The following NRXN1 variants were observed in gnomAD, a reference collection of about 807,000 sequenced individuals.
NRXN1 encodes the protein neurexin 1, also known as neurexin-1.
A neutral mutation model predicts 150.9 loss-of-function variants in NRXN1; 39 were observed. The observed-to-expected ratio is 0.26, with a 90% CI of 0.20 to 0.34. NRXN1 has a LOEUF of 0.34. NRXN1 is among the 10% of genes least tolerant of loss of function. The pLI is 1.00. For synonymous variants in NRXN1, 924 were observed against 757.0 expected (o/e 1.22, Z -3.62); for missense variants, 1,815 against 1,949.9 (o/e 0.93, Z 1.30).
intron 21 of NRXN1, among the ~76,000 whole-genome samples, chr2:49,954,644 C>G (rs1262765580): frequency 6.6e-6 from 1 of 152,094 alleles, no homozygotes; most frequent in South Asian, 2.1e-4. Flanking sequence ...ATGCTCCTTA[C>G]AATAGGAGTG....
chr2:50,788,529 T>C (rs1048507012), intron 5 of NRXN1, among the ~76,000 whole-genome samples: 2 of 152,030 alleles, frequency 1.3e-5, no homozygotes, highest in Admixed American at 6.6e-5. Context: ...TGATAACTTC[T>C]GTAATATCAT....
chr2:50,000,895 C>T (rs938143935), intron 21 of NRXN1, among the ~76,000 whole-genome samples: 1 of 152,128 alleles, frequency 6.6e-6, no homozygotes, highest in African/African-American at 2.4e-5. Context: ...GAAGTTCTTA[C>T]AGTATTTGCT....
At chr2:50,945,937 G>GTATTATTAT (rs538118636) in intron 2 of NRXN1, among the ~76,000 whole-genome samples, 42 of 145,876 alleles carry the variant, frequency 2.9e-4, no homozygotes, top group African/African-American at 5.3e-4. Flanking sequence ...TACTTGTAAA[G>GTATTATTAT]TATTATTATT....
chr2:50,759,045 G>A (rs563917388), intron 5 of NRXN1, among the ~76,000 whole-genome samples: 2 of 152,004 alleles, frequency 1.3e-5, no homozygotes, highest in Admixed American at 6.6e-5. Context: ...ATAATAAAAA[G>A]CTATAATTGA....
intron 5 of NRXN1, among the ~76,000 whole-genome samples, chr2:50,671,879 C>A (rs1688903456): frequency 6.6e-6 from 1 of 151,776 alleles, no homozygotes; most frequent in African/African-American, 2.4e-5. Context: ...ATGATAGGGA[C>A]AAACCCAAAA....
chr2:50,527,495 A>G (rs992268929), intron 12 of NRXN1, among the ~76,000 whole-genome samples: 10 of 152,144 alleles, frequency 6.6e-5, no homozygotes, highest in Admixed American at 3.3e-4. Flanking sequence ...TATTAACTTA[A>G]TTTTTAATAA....
chr2:50,523,406 T>C (rs2092851456), intron 12 of NRXN1, among the ~76,000 whole-genome samples: 1 of 152,116 alleles, frequency 6.6e-6, no homozygotes, highest in Non-Finnish European at 1.5e-5. Context: ...AGACTCCCTT[T>C]TACAGTTTTC....
chr2:49,939,731 A>G (rs1456226434), intron 22 of NRXN1, among the ~76,000 whole-genome samples: 2 of 152,176 alleles, frequency 1.3e-5, no homozygotes, highest in Non-Finnish European at 2.9e-5. Flanking sequence ...ATTGGGGGAA[A>G]AAGCCACCAT....
At chr2:50,070,073 A>T (rs184971025) in intron 19 of NRXN1, among the ~76,000 whole-genome samples, 157 of 151,826 alleles carry the variant, frequency 1.0e-3, no homozygotes, top group African/African-American at 3.5e-3. Context: ...GGTGATTTCG[A>T]TCTCCTGACC....
intron 8 of NRXN1, among the ~76,000 whole-genome samples, chr2:50,571,439 C>A (rs557251194): frequency 6.6e-6 from 1 of 152,122 alleles, no homozygotes; most frequent in African/African-American, 2.4e-5. Context: ...CATTCTCTGT[C>A]ACCTTAATTA....
intron 8 of NRXN1, among the ~76,000 whole-genome samples, chr2:50,614,036 T>C (rs565072217): frequency 1.2e-4 from 18 of 152,156 alleles, no homozygotes; most frequent in Admixed American, 7.9e-4. Flanking sequence ...AAAAGTGAAG[T>C]GGGAAAGCAA....
chr2:50,797,991 A>G (rs1395201992), intron 5 of NRXN1, among the ~76,000 whole-genome samples: 1 of 152,152 alleles, frequency 6.6e-6, no homozygotes, highest in African/African-American at 2.4e-5. Flanking sequence ...TATATTTGAT[A>G]TTTGTTATTT....
intron 5 of NRXN1, among the ~76,000 whole-genome samples, chr2:50,791,178 T>A (rs1282748271): frequency 6.7e-6 from 1 of 149,516 alleles, no homozygotes; most frequent in Non-Finnish European, 1.5e-5. Flanking sequence ...TAACTAAGAG[T>A]GAAATCTTTG....
intron 17 of NRXN1, among the ~76,000 whole-genome samples, chr2:50,404,010 A>G (rs986203575): frequency 6.6e-6 from 1 of 152,116 alleles, no homozygotes; most frequent in Non-Finnish European, 1.5e-5. Context: ...ACAATTTTAA[A>G]ATAAACCAAA....
intron 2 of NRXN1, among the ~76,000 whole-genome samples, chr2:50,994,888 A>G (rs1052766261): frequency 1.3e-5 from 2 of 152,044 alleles, no homozygotes; most frequent in African/African-American, 4.8e-5. Flanking sequence ...ACGGTGATGC[A>G]ATTACACTGT....
intron 17 of NRXN1, among the ~76,000 whole-genome samples, chr2:50,435,599 G>A (rs929825750): frequency 7.2e-5 from 11 of 152,158 alleles, no homozygotes; most frequent in African/African-American, 1.4e-4. Context: ...GTGCTGTGAT[G>A]AATATACACA....
chr2:50,300,346 T>C (rs1199370965), intron 17 of NRXN1, among the ~76,000 whole-genome samples: 2 of 152,206 alleles, frequency 1.3e-5, no homozygotes, highest in Non-Finnish European at 2.9e-5. Flanking sequence ...ATTGCAAAAC[T>C]AATTTTCTCT....
chr2:50,877,053 A>C (rs533152934), intron 5 of NRXN1, among the ~76,000 whole-genome samples: 1 of 151,940 alleles, frequency 6.6e-6, no homozygotes, highest in South Asian at 2.1e-4. Context: ...CTTCATTTTA[A>C]TGTTTTACTG....
intron 5 of NRXN1, among the ~76,000 whole-genome samples, chr2:50,798,721 C>T (rs943313798): frequency 2.6e-5 from 4 of 152,264 alleles, no homozygotes; most frequent in African/African-American, 7.2e-5. Context: ...AAAGTCAATG[C>T]CGTGTCTCAA....
Sources: gnomAD v4.1 joint callset for allele counts (sites outside exome capture counted in the v4.1 genomes callset) on GRCh38, gnomAD v4.1.1 for gene constraint, MANE v1.5 for transcripts, NCBI Gene and HGNC (gene_info 2026-07-23, HGNC 2026-07-21) for gene names.